YAP1: variants seen among roughly 807,000 people sequenced by gnomAD.
The protein encoded by YAP1 is transcriptional coactivator YAP1.
YAP1 carries 5 observed loss-of-function variants against 56.9 expected under a neutral mutation model. The ratio of observed to expected loss-of-function variants is 0.09; its 90% CI spans 0.05 to 0.18. The LOEUF (loss-of-function observed/expected upper bound fraction) is 0.18. YAP1 is among the 10% of genes least tolerant of loss of function. The pLI, the probability that YAP1 is intolerant of heterozygous loss-of-function variation, is 1.00. For synonymous variants in YAP1, 265 were observed against 248.1 expected, an observed-to-expected ratio of 1.07 and a Z score of -0.64; for missense variants, 539 against 651.8, an observed-to-expected ratio of 0.83 and a Z score of 1.88.
intron 4 of YAP1, among the ~76,000 whole-genome samples, chr11:102,199,519 T>A (rs1157629829): frequency 6.6e-6 from 1 of 152,202 alleles, no homozygotes; most frequent in African/African-American, 2.4e-5. Context: ...TTCATAAGTC[T>A]TCGTGAGTTA....
chr11:102,123,571 G>A (rs552505447), intron 2 of YAP1, among the ~76,000 whole-genome samples: 1 of 151,504 alleles, frequency 6.6e-6, no homozygotes, highest in African/African-American at 2.4e-5. Flanking sequence ...TGGGCAGTTT[G>A]GTTGTAGCAT....
intron 2 of YAP1, among the ~76,000 whole-genome samples, chr11:102,133,626 A>G (rs1944502527): frequency 6.6e-6 from 1 of 152,194 alleles, no homozygotes; most frequent in Non-Finnish European, 1.5e-5. Context: ...TCAAAGTTTA[A>G]TATGGTTTTG....
intron 2 of YAP1, among the ~76,000 whole-genome samples, chr11:102,117,262 C>T (rs1325426087): frequency 2.0e-5 from 3 of 152,066 alleles, no homozygotes; most frequent in Admixed American, 6.5e-5. Flanking sequence ...CCTCTTGTAT[C>T]TAAAGAGGAG....
At chr11:102,187,410 A>T (rs1416944966) in intron 4 of YAP1, among the ~76,000 whole-genome samples, 1 of 152,178 alleles carries the variant, frequency 6.6e-6, no homozygotes, top group Non-Finnish European at 1.5e-5. Flanking sequence ...GCAACTTCAG[A>T]TTCTGTTTAC....
At chr11:102,117,996 T>C (rs1460449813) in intron 2 of YAP1, among the ~76,000 whole-genome samples, 1 of 152,200 alleles carries the variant, frequency 6.6e-6, no homozygotes, top group Non-Finnish European at 1.5e-5. Flanking sequence ...CTCAGTATTC[T>C]ATAATATCTC....
intron 3 of YAP1, among the ~76,000 whole-genome samples, chr11:102,171,514 C>CT (rs1398741627): frequency 2.0e-5 from 3 of 152,160 alleles, no homozygotes; most frequent in Admixed American, 6.5e-5. Context: ...AGTCTGAAGT[C>CT]TAAGTGTGCT....
rs1002877188 is a variant in YAP1 at position 102,126,924 on chromosome 11, G to A, written c.572+12530G>A. ...CTGGACCAGAGGTGACTCTTGTTAC[G>A]TTTTAGCAAAGGGACTGGTGGCAGT... On this transcript the variant is annotated intron_variant, in intron 2 of 8. Transcript: ENST00000282441. Among the ~76,000 whole-genome samples, 3 of 152,180 alleles carry A rather than the reference G, an allele frequency of 2.0e-5. No individual in the cohort carries two copies. The East Asian group carries it at 5.8e-4, about 29-fold the overall frequency.
intron 1 of YAP1, among the ~76,000 whole-genome samples, chr11:102,111,875 C>A (rs775328653): frequency 6.6e-5 from 10 of 151,558 alleles, no homozygotes; most frequent in Non-Finnish European, 1.5e-4. Context: ...GCGGCTCAGG[C>A]GATTTCGGAA....
chr11:102,222,383 G>C (rs937981833), intron 6 of YAP1, among the ~76,000 whole-genome samples: 3 of 152,202 alleles, frequency 2.0e-5, no homozygotes, highest in African/African-American at 7.2e-5. Flanking sequence ...AGGAGGGTAA[G>C]AAACAGTGAA....
At chr11:102,208,609 A>C (rs1949238919) in intron 5 of YAP1, among the ~76,000 whole-genome samples, 2 of 152,196 alleles carry the variant, frequency 1.3e-5, no homozygotes, top group African/African-American at 4.8e-5. Flanking sequence ...ACCATCAAAA[A>C]TATAATTACA....
At chr11:102,152,858 C>T (rs1225600438) in intron 2 of YAP1, among the ~76,000 whole-genome samples, 2 of 152,112 alleles carry the variant, frequency 1.3e-5, no homozygotes, top group Non-Finnish European at 2.9e-5. Context: ...TGGGTTTTTC[C>T]TCAAAAATGC....
At chr11:102,117,064 G>A (rs971762996) in intron 2 of YAP1, among the ~76,000 whole-genome samples, 2 of 152,162 alleles carry the variant, frequency 1.3e-5, no homozygotes, top group Non-Finnish European at 2.9e-5. Context: ...TGATGTTATG[G>A]ACCGTATAGT....
intron 4 of YAP1, among the ~76,000 whole-genome samples, chr11:102,190,434 C>T (rs1948213029): frequency 6.6e-6 from 1 of 151,832 alleles, no homozygotes; most frequent in Non-Finnish European, 1.5e-5. Flanking sequence ...AGTTCCTGAC[C>T]AGCCTGGCCA....
At chr11:102,183,740 T>TGTG (rs1947774640) in intron 3 of YAP1, among the ~76,000 whole-genome samples, 1 of 81,656 alleles carries the variant, frequency 1.2e-5, no homozygotes, top group African/African-American at 4.7e-5. Flanking sequence ...GTGTGTGTGT[T>TGTG]TAAACCACAT....
At chr11:102,164,516 TTA>T (rs1419863688) in intron 3 of YAP1, among the ~76,000 whole-genome samples, 3 of 152,328 alleles carry the variant, frequency 2.0e-5, no homozygotes, top group African/African-American at 7.2e-5. Flanking sequence ...ATCTCGGCAG[TTA>T]ATGACAGATA....
At chr11:102,220,232 G>A (rs1949857741) in intron 6 of YAP1, among the ~76,000 whole-genome samples, 1 of 151,888 alleles carries the variant, frequency 6.6e-6, no homozygotes, top group Admixed American at 6.6e-5. Context: ...AAAAGAAATG[G>A]ACTTCCCTGA....
chr11:102,149,991 T>C (rs1307711124), intron 2 of YAP1, among the ~76,000 whole-genome samples: 1 of 142,228 alleles, frequency 7.0e-6, no homozygotes, highest in African/African-American at 2.6e-5. Flanking sequence ...TTTTTTTTTT[T>C]TTTTTTTTTT....
intron 1 of YAP1, 52 bp downstream of exon 1, chr11:102,111,221 G>A: frequency 1.9e-6 from 3 of 1,601,554 alleles, no homozygotes; most frequent in East Asian, 2.3e-5. Flanking sequence ...CCTCAGACCG[G>A]GGGGGCGCTC....
At chr11:102,165,931 GT>G (rs940744852) in intron 3 of YAP1, among the ~76,000 whole-genome samples, 3 of 152,134 alleles carry the variant, frequency 2.0e-5, no homozygotes, top group African/African-American at 7.2e-5. Context: ...TGGAGATGAT[GT>G]TTGTTTAAGG....
Sources: allele counts gnomAD v4.1 joint callset (sites outside exome capture counted in the v4.1 genomes callset), GRCh38; gene constraint gnomAD v4.1.1; transcripts MANE v1.5; gene names NCBI Gene and HGNC (gene_info 2026-07-23, HGNC 2026-07-21).